Variants in NLGN1 observed in about 807,000 individuals in gnomAD.
The protein encoded by NLGN1 is neuroligin 1.
NLGN1 carries 12 observed loss-of-function variants against 65.5 expected under a neutral mutation model. The observed-to-expected ratio is 0.18, with a 90% CI of 0.12 to 0.30. NLGN1 has a LOEUF of 0.30. Among genes scored for constraint, NLGN1 ranks in the 10% least tolerant of loss-of-function variants. The pLI, the probability that NLGN1 is intolerant of heterozygous loss-of-function variation, is 1.00. For synonymous variants in NLGN1, 350 were observed against 359.5 expected, an observed-to-expected ratio of 0.97 and a Z score of 0.30; for missense variants, 750 against 1,007.1, an observed-to-expected ratio of 0.74 and a Z score of 3.46.
chr3:174,035,717 T>C (rs981967026), intron 4 of NLGN1, among the ~76,000 whole-genome samples: 1 of 152,172 alleles, frequency 6.6e-6, no homozygotes, highest in Admixed American at 6.5e-5. Flanking sequence ...TGGCTTCATG[T>C]TGCCGATCTG....
intron 4 of NLGN1, among the ~76,000 whole-genome samples, chr3:174,249,019 A>T (rs906615667): frequency 1.3e-5 from 2 of 152,200 alleles, no homozygotes; most frequent in Non-Finnish European, 2.9e-5. Flanking sequence ...TTCAGATGAG[A>T]TTTGTTAGGA....
chr3:174,097,095 G>A (rs1297099556), intron 4 of NLGN1, among the ~76,000 whole-genome samples: 3 of 151,838 alleles, frequency 2.0e-5, no homozygotes, highest in African/African-American at 7.3e-5. Flanking sequence ...GAAGACAATA[G>A]GACTATGAGC....
chr3:173,409,585 C>A (rs1184710940), intron 1 of NLGN1, among the ~76,000 whole-genome samples: 1 of 152,176 alleles, frequency 6.6e-6, no homozygotes, highest in Non-Finnish European at 1.5e-5. Context: ...GTCTCCTGAT[C>A]CCTGTATCCA....
At chr3:174,084,257 TAC>T (rs1742829233) in intron 4 of NLGN1, among the ~76,000 whole-genome samples, 1 of 152,164 alleles carries the variant, frequency 6.6e-6, no homozygotes, top group Non-Finnish European at 1.5e-5. Flanking sequence ...TTTCCTCCTT[TAC>T]AGTTCAGAAT....
intron 4 of NLGN1, among the ~76,000 whole-genome samples, chr3:174,143,774 C>T (rs1722711103): frequency 1.3e-5 from 2 of 152,122 alleles, no homozygotes; most frequent in South Asian, 4.1e-4. Flanking sequence ...GATTGGTTAA[C>T]AAATTCTTCA....
At chr3:173,999,244 A>C (rs2152424662) in intron 4 of NLGN1, among the ~76,000 whole-genome samples, 1 of 152,260 alleles carries the variant, frequency 6.6e-6, no homozygotes, top group East Asian at 1.9e-4. Flanking sequence ...CTCATAATAG[A>C]AGGTCTTCTT....
intron 4 of NLGN1, among the ~76,000 whole-genome samples, chr3:174,046,729 T>C (rs1733686836): frequency 6.6e-6 from 1 of 152,030 alleles, no homozygotes; most frequent in African/African-American, 2.4e-5. Context: ...TTTATAAAAT[T>C]AAGAAGAGGA....
intron 4 of NLGN1, among the ~76,000 whole-genome samples, chr3:174,266,987 A>T (rs1748375905): frequency 6.6e-6 from 1 of 152,148 alleles, no homozygotes; most frequent in Non-Finnish European, 1.5e-5. Context: ...TACAACATAT[A>T]TTAAGCCCCC....
chr3:173,788,753 G>A (rs950695189), intron 3 of NLGN1, among the ~76,000 whole-genome samples: 1 of 144,018 alleles, frequency 6.9e-6, no homozygotes, highest in Non-Finnish European at 1.5e-5. Flanking sequence ...CCCAGGAGTT[G>A]GAGGCTGTAG....
chr3:173,461,438 G>A (rs1285579648), intron 2 of NLGN1, among the ~76,000 whole-genome samples: 1 of 151,834 alleles, frequency 6.6e-6, no homozygotes, highest in African/African-American at 2.4e-5. Context: ...CTCAAATGGG[G>A]GAAAGATTCT....
chr3:173,699,406 G>T (rs1766768090), intron 3 of NLGN1, among the ~76,000 whole-genome samples: 1 of 152,130 alleles, frequency 6.6e-6, no homozygotes, highest in South Asian at 2.1e-4. Flanking sequence ...TTCTCTCTTG[G>T]TTTGTTTTGA....
intron 4 of NLGN1, among the ~76,000 whole-genome samples, chr3:173,918,599 C>T (rs1265009367): frequency 6.9e-6 from 1 of 144,234 alleles, no homozygotes; most frequent in African/African-American, 2.6e-5. Context: ...CACCATTGCA[C>T]TCCAGCCTGG....
At chr3:173,587,229 T>G (rs1046795385) in intron 2 of NLGN1, among the ~76,000 whole-genome samples, 2 of 152,250 alleles carry the variant, frequency 1.3e-5, no homozygotes, top group East Asian at 3.9e-4. Context: ...TACTTTCTAC[T>G]CCCCTATTAT....
intron 3 of NLGN1, among the ~76,000 whole-genome samples, chr3:173,756,035 A>G (rs1490760217): frequency 1.3e-5 from 2 of 152,070 alleles, no homozygotes; most frequent in Non-Finnish European, 2.9e-5. Context: ...TACTCCTTTT[A>G]TTCAAAAATA....
intron 4 of NLGN1, among the ~76,000 whole-genome samples, chr3:173,965,159 C>T (rs996466305): frequency 6.6e-6 from 1 of 151,944 alleles, no homozygotes; most frequent in African/African-American, 2.4e-5. Context: ...AATTATAATG[C>T]AGAGTTAAAG....
chr3:173,435,541 A>G (rs1423691240), intron 2 of NLGN1, among the ~76,000 whole-genome samples: 1 of 152,114 alleles, frequency 6.6e-6, no homozygotes, highest in African/African-American at 2.4e-5. Context: ...CATTTTTAGA[A>G]AAAAAAATGT....
At chr3:173,914,581 T>G (rs1198830625) in intron 4 of NLGN1, among the ~76,000 whole-genome samples, 1 of 151,922 alleles carries the variant, frequency 6.6e-6, no homozygotes, top group Non-Finnish European at 1.5e-5. Flanking sequence ...GATGAAGACT[T>G]ACATCGTCAA....
intron 4 of NLGN1, 37 bp downstream of exon 4, chr3:173,807,869 C>A: frequency 1.3e-6 from 2 of 1,586,018 alleles, no homozygotes; most frequent in Non-Finnish European, 1.7e-6. Context: ...ACCATGAATC[C>A]ATGAAGTATG....
intron 4 of NLGN1, among the ~76,000 whole-genome samples, chr3:174,255,898 A>T (rs371790441): frequency 2.0e-5 from 3 of 152,106 alleles, no homozygotes; most frequent in African/African-American, 7.2e-5. Flanking sequence ...GGCTCAAGTG[A>T]TCCGCCCACC....
Sources: gnomAD v4.1 joint callset for allele counts (sites outside exome capture counted in the v4.1 genomes callset) on GRCh38, gnomAD v4.1.1 for gene constraint, MANE v1.5 for transcripts, NCBI Gene and HGNC (gene_info 2026-07-23, HGNC 2026-07-21) for gene names.